Variants in LPAR6 observed in about 807,000 individuals in gnomAD.
LPAR6 encodes lysophosphatidic acid receptor 6, also known as G-protein coupled purinergic receptor P2Y5.
In LPAR6, 17 loss-of-function variants were observed where a neutral mutation model predicts 22.0. That is an observed-to-expected ratio of 0.77 (90% CI 0.53 to 1.16). The LOEUF is 1.16. Ranked by LOEUF, LPAR6 falls within the 50% of genes most tolerant of loss-of-function variation. The probability of loss-of-function intolerance (pLI) is 0.00; values close to 1 mark genes in which losing one functional copy is unlikely to be tolerated. For missense variants in LPAR6, 384 were observed against 406.9 expected (o/e 0.94, Z 0.48); for synonymous variants, 136 against 139.8 (o/e 0.97, Z 0.19).
chr13:48,396,437 TA>T (rs1156781921), intron 1 of LPAR6, among the ~76,000 whole-genome samples: 1 of 152,186 alleles, frequency 6.6e-6, no homozygotes. Context: ...GAAAACTGAC[TA>T]GCCATATGCA....
At chr13:48,442,330 A>G (rs982826763) in intron 1 of LPAR6, among the ~76,000 whole-genome samples, 1 of 152,080 alleles carries the variant, frequency 6.6e-6, no homozygotes, top group African/African-American at 2.4e-5. Context: ...CCTCCCGAGT[A>G]GCTGGGACTA....
rs543006571 is a variant in LPAR6 at position 48,405,490 on chromosome 13, G to T, written n.114+10210C>A. Reference sequence around the variant, plus strand: ...TCCTTGTTGGCCCATAGTTTTGACTGCATATAACAGGAGATGGCATGCACA... The same window carrying T: ...TCCTTGTTGGCCCATAGTTTTGACTTCATATAACAGGAGATGGCATGCACA... On this transcript the variant is annotated intron_variant and non_coding_transcript_variant, in intron 1 of 1. Transcript: ENST00000462781. Among the ~76,000 whole-genome samples, 27 of 152,274 alleles carry T rather than the reference G, an allele frequency of 1.8e-4. No individual in the cohort carries two copies. The South Asian group carries it at 5.6e-3, about 32-fold the overall frequency.
At chr13:48,416,027 T>C (rs957821564), upstream of LPAR6, among the ~76,000 whole-genome samples, 3 of 152,190 alleles carry the variant, frequency 2.0e-5, no homozygotes, top group Non-Finnish European at 2.9e-5. Context: ...TCAGGCAAAC[T>C]GTTATTTTAA....
At position 48,419,241 on chromosome 13, in the gene LPAR6, C is replaced by G. The variant is rs757686586; in HGVS notation, c.-953-1921G>C. 3.2e-4 allele frequency among the ~76,000 whole-genome samples: 49 copies of G among 152,136 alleles called. 1 individual carries two copies. Among genetic ancestry groups the G allele is most frequent in the Non-Finnish European group, 1.8e-4 (12 of 68,006 alleles). On this transcript the variant is annotated intron_variant, in intron 2 of 4. Transcript: ENST00000345941. ...CTCAGGATTAAGAAACTCACTCAAACCTGCACAACTGCATGGAAACTGAAC... is the reference window on the plus strand; with the variant it reads ...CTCAGGATTAAGAAACTCACTCAAAGCTGCACAACTGCATGGAAACTGAAC...
Position 48,411,653 on chromosome 13 carries a change from T to C in LPAR6, c.771A>G (p.Thr257=). 6.2e-7 allele frequency: 1 copy of C among 1,611,534 alleles called. No individual in the cohort carries two copies. The highest frequency in any genetic ancestry group is 8.5e-7 in the Non-Finnish European group (1 of 1,177,796). The change falls in exon 1 of 1, where the codon ACA becomes ACG. Residue 257 remains threonine, a synonymous_variant. Transcript: ENST00000620633. ...CTACTGAGCAATTAACAAATGTTTG[T>C]GTTCTCACAAGAGAATATAAAATAA... ...INLILYSLVR[T]QTFVNCSVVA...
upstream of LPAR6, among the ~76,000 whole-genome samples, chr13:48,431,402 A>T (rs966200111): frequency 6.6e-6 from 1 of 152,180 alleles, no homozygotes; most frequent in African/African-American, 2.4e-5. Context: ...ACATATTTTG[A>T]CTTTAGGCAT....
chr13:48,442,523 C>T (rs1296419117), intron 1 of LPAR6, among the ~76,000 whole-genome samples: 1 of 152,022 alleles, frequency 6.6e-6, no homozygotes, highest in African/African-American at 2.4e-5. Flanking sequence ...GGTAACTTTC[C>T]TACTGTACTT....
At chr13:48,405,708 C>T (rs1276619759) in intron 1 of LPAR6, among the ~76,000 whole-genome samples, 2 of 152,166 alleles carry the variant, frequency 1.3e-5, no homozygotes, top group Admixed American at 6.5e-5. Flanking sequence ...TAACATGTTT[C>T]CCAAAGTCGT....
chr13:48,431,733 G>A (rs144659214), upstream of LPAR6, among the ~76,000 whole-genome samples: 182 of 152,272 alleles, frequency 1.2e-3, no homozygotes, highest in African/African-American at 4.3e-3. Flanking sequence ...AAGCCCAGCC[G>A]TTTGTTGTTG....
intron 1 of LPAR6, among the ~76,000 whole-genome samples, chr13:48,392,403 G>A (rs189325386): frequency 2.0e-4 from 30 of 152,220 alleles, no homozygotes; most frequent in Admixed American, 3.3e-4. Context: ...GAGCCACCAC[G>A]CCTGGCCTTG....
chr13:48,427,165 C>T (rs141486407), upstream of LPAR6, among the ~76,000 whole-genome samples: 1,511 of 150,268 alleles, frequency 0.01, 11 homozygotes, highest in Middle Eastern at 0.024. Context: ...CACTTCAACA[C>T]GAGTCATCTA....
intron 1 of LPAR6, among the ~76,000 whole-genome samples, chr13:48,444,003 C>G (rs1949263646): frequency 6.6e-6 from 1 of 151,986 alleles, no homozygotes; most frequent in Non-Finnish European, 1.5e-5. Flanking sequence ...GTTTTTTTCC[C>G]CACACACTAA....
upstream of LPAR6, chr13:48,429,267 T>C (rs1361491501): frequency 2.0e-5 from 3 of 152,156 alleles, no homozygotes; most frequent in Admixed American, 1.3e-4. Context: ...CTAGAAAGGA[T>C]TGCTAGGTGC....
chr13:48,401,504 C>T (rs986167187), intron 1 of LPAR6: 9 of 152,140 alleles, frequency 5.9e-5, no homozygotes, highest in African/African-American at 2.2e-4. Flanking sequence ...AGCTTACTTA[C>T]CTTTAATTAT....
intron 1 of LPAR6, chr13:48,401,360 G>C (rs1409543172): frequency 6.6e-6 from 1 of 152,138 alleles, no homozygotes; most frequent in Non-Finnish European, 1.5e-5. Flanking sequence ...AAGAAACAAA[G>C]AAGAGAAATA....
intron 1 of LPAR6, among the ~76,000 whole-genome samples, chr13:48,390,726 C>T (rs1023348714): frequency 2.0e-5 from 3 of 152,196 alleles, no homozygotes; most frequent in Non-Finnish European, 4.4e-5. Flanking sequence ...CTTTATCCCT[C>T]GTAATATTGT....
rs749768869 is a variant in LPAR6, at chr13:48,411,688, T to C, written c.736A>G (p.Asn246Asp). 1.4e-5 allele frequency: 22 copies of C among 1,609,412 alleles called. No homozygotes were observed. Among genetic ancestry groups the C allele is most frequent in the Middle Eastern group, 1.6e-4 (1 of 6,080 alleles). Residue 246 changes from asparagine (N) to aspartate (D), a missense_variant, in exon 1 of 1, where the codon AAT becomes GAT. By Grantham distance (23) the Asn-to-Asp change is conservative (BLOSUM62 1). Transcript: ENST00000620633. ...IIFCFCFVPY[N>D]INLILYSLVR... ...AGAGAATATAAAATAAGATTGATAT[T>C]GTAAGGAACAAAACAGAAACAGAAT...
intron 1 of LPAR6, among the ~76,000 whole-genome samples, chr13:48,424,612 C>T (rs1035858667): frequency 6.6e-5 from 10 of 151,900 alleles, no homozygotes; most frequent in African/African-American, 1.4e-4. Context: ...TCTTTTTTTC[C>T]GAACTCTCTT....
At chr13:48,442,348 A>G (rs1222109873) in intron 1 of LPAR6, among the ~76,000 whole-genome samples, 1 of 151,964 alleles carries the variant, frequency 6.6e-6, no homozygotes, top group Non-Finnish European at 1.5e-5. Context: ...CTACAGGCGC[A>G]TGCAACCATG....
Sources: allele counts gnomAD v4.1 joint callset (sites outside exome capture counted in the v4.1 genomes callset), GRCh38; gene constraint gnomAD v4.1.1; transcripts MANE v1.5; gene names NCBI Gene and HGNC (gene_info 2026-07-23, HGNC 2026-07-21).